Variants in CHST1 observed in about 807,000 individuals in gnomAD.
The protein encoded by CHST1 is carbohydrate sulfotransferase 1, also known as Keratan sulfotransferase.
In CHST1, 10 loss-of-function variants were observed where a neutral mutation model predicts 22.5. The ratio of observed to expected loss-of-function variants is 0.44; its 90% CI spans 0.27 to 0.75. The LOEUF (loss-of-function observed/expected upper bound fraction) is 0.75. CHST1 is among the 30% of genes least tolerant of loss of function. The pLI, the probability that CHST1 is intolerant of heterozygous loss-of-function variation, is 0.15. For synonymous variants in CHST1, 267 were observed against 264.5 expected (o/e 1.01, Z -0.09); for missense variants, 439 against 576.1 (o/e 0.76, Z 2.44).
chr11:45,660,995 C>G (rs1437279680), intron 1 of CHST1, among the ~76,000 whole-genome samples: 16 of 152,222 alleles, frequency 1.1e-4, no homozygotes. Flanking sequence ...CCCTGTGCCC[C>G]CATGTGGCAC....
chr11:45,654,144 T>C (rs940173562), intron 1 of CHST1, among the ~76,000 whole-genome samples: 2 of 152,228 alleles, frequency 1.3e-5, no homozygotes, highest in African/African-American at 2.4e-5. Context: ...TAGGGTTTTA[T>C]TTAAAGAGAA....
chr11:45,662,832 G>C (rs549468774), intron 1 of CHST1, among the ~76,000 whole-genome samples: 1 of 152,178 alleles, frequency 6.6e-6, no homozygotes, highest in Non-Finnish European at 1.5e-5. Flanking sequence ...GCAGCTGAGC[G>C]GCATCCAATG....
In CHST1 at chr11:45,665,021, C is replaced by T. The variant is rs1327105695; in HGVS notation, c.-227+157G>A. On this transcript the variant is annotated intron_variant, in intron 1 of 3. Coordinates refer to ENST00000308064, the MANE Select transcript of CHST1 (RefSeq NM_003654.6). The surrounding 1 kb of genome is among the most constrained non-coding windows in gnomAD (Gnocchi z 4.0). ...CGGCAGCCCCTTCCTGCGCCCAACA[C>T]GCCGCCGTTCCTCGCCGCCGCCACC... 6.6e-6 allele frequency among the ~76,000 whole-genome samples: 1 copy of T among 152,098 alleles called. No homozygotes were observed. Among genetic ancestry groups the T allele is most frequent in the Non-Finnish European group, 1.5e-5 (1 of 67,964 alleles).
chr11:45,649,960 T>C lies in CHST1; in HGVS notation c.964A>G (p.Ile322Val). The C allele has an allele frequency of 1.2e-6, 2 of 1,613,392 alleles. No homozygotes were observed. Among genetic ancestry groups the C allele is most frequent in the Non-Finnish European group, 1.7e-6 (2 of 1,179,926 alleles). The change falls in exon 4 of 4, where the codon ATC becomes GTC. Residue 322 changes from isoleucine (I) to valine (V), a missense_variant. Ile to Val is a conservative substitution (Grantham distance 29, BLOSUM62 3). Transcript: ENST00000308064. The part of the protein sequence containing the change: ...KTEEIYGFLG[I>V]PLDSHVARWI... Reference sequence around the variant, plus strand: ...CGGGCCACGTGGCTGTCCAGCGGGATGCCCAGGAACCCGTAGATCTCCTCG... The same window carrying C: ...CGGGCCACGTGGCTGTCCAGCGGGACGCCCAGGAACCCGTAGATCTCCTCG...
intron 1 of CHST1, among the ~76,000 whole-genome samples, chr11:45,654,489 G>A (rs1467062880): frequency 6.6e-6 from 1 of 152,242 alleles, no homozygotes; most frequent in Admixed American, 6.5e-5. Context: ...GGCAGAGCTG[G>A]GCCTGGGGCT....
intron 1 of CHST1, among the ~76,000 whole-genome samples, chr11:45,658,991 C>T (rs1852096996): frequency 6.6e-6 from 1 of 152,194 alleles, no homozygotes; most frequent in Non-Finnish European, 1.5e-5. Context: ...CAGCCTGGGC[C>T]ACCTGCACAT....
intron 1 of CHST1, among the ~76,000 whole-genome samples, chr11:45,660,639 T>C (rs1852119657): frequency 6.6e-6 from 1 of 152,192 alleles, no homozygotes; most frequent in Non-Finnish European, 1.5e-5. Flanking sequence ...AATCTCTCAA[T>C]CAGTGGTACC....
rs45593638 is a variant in CHST1, at chr11:45,653,291, C to T, written c.-226-685G>A. Among the ~76,000 whole-genome samples, 1,514 of 152,140 alleles carry T rather than the reference C, an allele frequency of 1.0e-2. 27 individuals are homozygous for T. The highest frequency in any genetic ancestry group is 0.035 in the African/African-American group (1,445 of 41,480). ...CACTGTTCAGATGGAGAAATCAAGTCGTGTTTTAAATATGAAATTTCACTT... is the reference window on the plus strand; with the variant it reads ...CACTGTTCAGATGGAGAAATCAAGTTGTGTTTTAAATATGAAATTTCACTT... On this transcript the variant is annotated intron_variant, in intron 1 of 3. Coordinates refer to ENST00000308064, the MANE Select transcript of CHST1 (RefSeq NM_003654.6).
At chr11:45,653,811 T>A (rs1276944043) in intron 1 of CHST1, among the ~76,000 whole-genome samples, 1 of 152,192 alleles carries the variant, frequency 6.6e-6, no homozygotes, top group Non-Finnish European at 1.5e-5. Flanking sequence ...ATTCACAATG[T>A]TCCTCCCAGG....
At chr11:45,663,000 G>A (rs893345645) in intron 1 of CHST1, among the ~76,000 whole-genome samples, 8 of 152,156 alleles carry the variant, frequency 5.3e-5, no homozygotes, top group South Asian at 2.1e-4. Flanking sequence ...CACCACAGCC[G>A]CTACACCGAG....
chr11:45,648,841 C>A lies in CHST1; in HGVS notation c.*847G>T, dbSNP rs1851950654. The A allele has an allele frequency of 6.6e-6, 1 of 152,566 alleles. No individual in the cohort carries two copies. Among genetic ancestry groups the A allele is most frequent in the African/African-American group, 2.4e-5 (1 of 41,448 alleles). The allele number at this position is 152,566 out of a possible 1,614,324, so 9.5% of individuals were successfully genotyped here. ...CACCCAGACCCGGCTGAGGCCCTCT[C>A]GTACCCATTCAGAATGTCCTGCAAT... On this transcript the variant is annotated 3_prime_UTR_variant, in exon 4 of 4. Transcript: ENST00000308064.
chr11:45,648,101 G>A lies in CHST1; in HGVS notation c.*1587C>T, dbSNP rs1851940409. ...GGGGAGGAAGCACAGCAGATTCTCT[G>A]CCAGTGTAGACACCAGTAAACCTGT... On this transcript the variant is annotated 3_prime_UTR_variant, in exon 4 of 4. Coordinates refer to ENST00000308064, the MANE Select transcript of CHST1 (RefSeq NM_003654.6). Among the ~76,000 whole-genome samples the A allele has an allele frequency of 6.6e-6, 1 of 152,178 alleles. No homozygotes were observed. The highest frequency in any genetic ancestry group is 2.4e-5 in the African/African-American group (1 of 41,430).
In CHST1 at chr11:45,654,572, C is replaced by A. The variant is rs564781682; in HGVS notation, c.-226-1966G>T. Reference sequence around the variant, plus strand: ...GGCCCTGGGGCCAGGTCCTGTTGTTCCCAAGGAAGCCTTAGCCACTACAAA... The same window carrying A: ...GGCCCTGGGGCCAGGTCCTGTTGTTACCAAGGAAGCCTTAGCCACTACAAA... On this transcript the variant is annotated intron_variant, in intron 1 of 3. Coordinates refer to ENST00000308064, the MANE Select transcript of CHST1 (RefSeq NM_003654.6). 5.3e-5 allele frequency among the ~76,000 whole-genome samples: 8 copies of A among 152,308 alleles called. No individual in the cohort carries two copies. The East Asian group carries it at 1.5e-3, about 29-fold the overall frequency.
chr11:45,660,978 G>A (rs952859389), intron 1 of CHST1, among the ~76,000 whole-genome samples: 5 of 152,190 alleles, frequency 3.3e-5, no homozygotes, highest in Admixed American at 6.5e-5. Flanking sequence ...TTTAGAAAAC[G>A]CGGGAACCCT....
At position 45,665,383 on chromosome 11, in the gene CHST1, G is replaced by C. The variant is rs1278954056; in HGVS notation, c.-432C>G. On this transcript the variant is annotated 5_prime_UTR_variant, in exon 1 of 4. Coordinates refer to ENST00000308064, the MANE Select transcript of CHST1 (RefSeq NM_003654.6). The surrounding 1 kb of genome is among the most constrained non-coding windows in gnomAD (Gnocchi z 4.0). ...CGCGCCTCACGGGCCCCTCTTCATG[G>C]CCCGGGGGCGCGAGCCCGGGGCGGC... The C allele has an allele frequency of 6.6e-6, 1 of 151,358 alleles. No individual in the cohort carries two copies. Among genetic ancestry groups the C allele is most frequent in the African/African-American group, 2.4e-5 (1 of 41,282 alleles). The allele number at this position is 151,358 out of a possible 1,614,324, so 9.4% of individuals were successfully genotyped here. A position where few individuals can be genotyped will look rare whatever the true frequency, so the allele number is the denominator to read the frequency against.
At position 45,650,560 on chromosome 11, in the gene CHST1, C is replaced by G; in HGVS notation, c.364G>C (p.Asp122His). 1.2e-6 allele frequency: 2 copies of G among 1,613,840 alleles called. No individual in the cohort carries two copies. Among genetic ancestry groups the G allele is most frequent in the Non-Finnish European group, 8.5e-7 (1 of 1,179,976 alleles). The change falls in exon 4 of 4, where the codon GAC becomes CAC. Residue 122 changes from aspartate (D) to histidine (H), a missense_variant. By Grantham distance (81) the Asp-to-His change is moderately conservative. Coordinates refer to ENST00000308064, the MANE Select transcript of CHST1 (RefSeq NM_003654.6). ...CAGTCGTAGAGGCTCCGCAGGAGGT[C>G]GCGGCTGGCGCCTAGCATGACCCGC... is the stretch of plus-strand genomic sequence containing the variant. ...DRRVMLGASR[D>H]LLRSLYDCDL...
Position 45,650,947 on chromosome 11 carries a change from C to T in CHST1, c.-24G>A. On this transcript the variant is annotated 5_prime_UTR_variant, in exon 4 of 4. Transcript: ENST00000308064. Reference sequence around the variant, plus strand: ...ATGGCTGGGCACCTTCATGGGGCTGCTTCTCCAAGGGGTGAGGTCTGTGGG... The same window carrying T: ...ATGGCTGGGCACCTTCATGGGGCTGTTTCTCCAAGGGGTGAGGTCTGTGGG... The T allele has an allele frequency of 6.6e-7, 1 of 1,518,976 alleles. No individual in the cohort carries two copies. The highest frequency in any genetic ancestry group is 8.8e-7 in the Non-Finnish European group (1 of 1,135,122). 94.1% of individuals were successfully genotyped at this position (1,518,976 alleles called of 1,614,324 possible). A position where few individuals can be genotyped will look rare whatever the true frequency, so the allele number is the denominator to read the frequency against.
At position 45,648,561 on chromosome 11, in the gene CHST1, T is replaced by C. The variant is rs1240948564; in HGVS notation, c.*1127A>G. On this transcript the variant is annotated 3_prime_UTR_variant, in exon 4 of 4. Transcript: ENST00000308064. ...AAAAAAATAGCCAGGTGTGGCAGTG[T>C]GCACCTGTAGTCCCAGTCACTCGGG... Among the ~76,000 whole-genome samples, 1 of 148,770 alleles carries C rather than the reference T, an allele frequency of 6.7e-6. No individual in the cohort carries two copies. Among genetic ancestry groups the C allele is most frequent in the Non-Finnish European group, 1.5e-5 (1 of 67,454 alleles).
Position 45,649,865 on chromosome 11 carries a change from C to A in CHST1, c.1059G>T (p.Ser353=). 1 of 1,611,140 alleles carries A rather than the reference C, an allele frequency of 6.2e-7. No homozygotes were observed. Among genetic ancestry groups the A allele is most frequent in the Non-Finnish European group, 8.5e-7 (1 of 1,179,954 alleles). Reference sequence around the variant, plus strand: ...AGCGCCACTTCTCGGCCGTGGCCGCCGAGTTTCGCACGGTGCCGTATTTGT... The same window carrying A: ...AGCGCCACTTCTCGGCCGTGGCCGCAGAGTTTCGCACGGTGCCGTATTTGT... ...GKHKYGTVRN[S]AATAEKWRFR... is the part of the protein sequence containing the mutation. Residue 353 remains serine, a synonymous_variant, in exon 4 of 4, where the codon TCG becomes TCT. Coordinates refer to ENST00000308064, the MANE Select transcript of CHST1 (RefSeq NM_003654.6).
Sources: allele counts gnomAD v4.1 joint callset (sites outside exome capture counted in the v4.1 genomes callset), GRCh38; gene constraint gnomAD v4.1.1; non-coding constraint Gnocchi (gnomAD v3.1); transcripts MANE v1.5; gene names NCBI Gene and HGNC (gene_info 2026-07-23, HGNC 2026-07-21).